The following CNTNAP5 variants were observed in gnomAD, a reference collection of about 807,000 sequenced individuals.
CNTNAP5 encodes the protein contactin associated protein family member 5.
A neutral mutation model predicts 150.2 loss-of-function variants in CNTNAP5; 72 were observed. That is an observed-to-expected ratio of 0.48 (90% confidence interval 0.40 to 0.58). The LOEUF is 0.58. Ranked by LOEUF, CNTNAP5 falls within the 20% of genes least tolerant of loss-of-function variation. CNTNAP5 has a pLI of 0.00. For missense variants in CNTNAP5, 1,636 were observed against 1,626.2 expected (o/e 1.01, Z -0.10); for synonymous variants, 672 against 619.8 (o/e 1.08, Z -1.25).
chr2:124,706,853 G>A (rs1679663977), intron 13 of CNTNAP5, among the ~76,000 whole-genome samples: 2 of 30,500 alleles, frequency 6.6e-5, no homozygotes, highest in African/African-American at 1.4e-4. Flanking sequence ...GAAGGAGGAG[G>A]AGGAGAAGGA....
chr2:124,289,307 T>C (rs1688227580), intron 3 of CNTNAP5, among the ~76,000 whole-genome samples: 2 of 152,198 alleles, frequency 1.3e-5, no homozygotes, highest in Non-Finnish European at 2.9e-5. Flanking sequence ...ATGAAATAGG[T>C]GACTAAGCTA....
chr2:124,858,889 C>T (rs933122449), intron 19 of CNTNAP5, among the ~76,000 whole-genome samples: 4 of 152,068 alleles, frequency 2.6e-5, no homozygotes, highest in African/African-American at 4.8e-5. Flanking sequence ...CTTCCTTACA[C>T]CTTACATAAA....
intron 5 of CNTNAP5, among the ~76,000 whole-genome samples, chr2:124,436,550 C>A (rs1692535893): frequency 1.3e-5 from 2 of 152,236 alleles, no homozygotes; most frequent in East Asian, 3.9e-4. Context: ...AATGAGTAAA[C>A]ATGGACAAAT....
chr2:124,091,015 C>G (rs974552726), intron 1 of CNTNAP5, among the ~76,000 whole-genome samples: 1 of 152,090 alleles, frequency 6.6e-6, no homozygotes, highest in South Asian at 2.1e-4. Context: ...AAGAAATCCA[C>G]CTGGGGGAAG....
intron 1 of CNTNAP5, among the ~76,000 whole-genome samples, chr2:124,177,323 T>A (rs1413328925): frequency 6.6e-6 from 1 of 152,168 alleles, no homozygotes; most frequent in Non-Finnish European, 1.5e-5. Context: ...GAAAATCTTT[T>A]GTTTCTGAGA....
At chr2:124,200,270 G>A (rs571102348) in intron 1 of CNTNAP5, among the ~76,000 whole-genome samples, 7 of 152,108 alleles carry the variant, frequency 4.6e-5, no homozygotes, top group South Asian at 2.1e-4. Flanking sequence ...TTTCTAATCC[G>A]AAGCCATGTT....
intron 1 of CNTNAP5, among the ~76,000 whole-genome samples, chr2:124,093,466 T>A (rs1013997619): frequency 2.6e-5 from 4 of 152,360 alleles, no homozygotes; most frequent in African/African-American, 7.2e-5. Context: ...AACTCAGAAC[T>A]GATTTGCTAT....
rs370275737 is a variant in CNTNAP5 at position 124,366,344 on chromosome 2, T to G, written c.382-51099T>G. On this transcript the variant is annotated intron_variant, in intron 3 of 23. Transcript: ENST00000682447. ...ACTGATATTGATAGTCTTTCTCTTC[T>G]TCCTTCTTGTTTTTAATCTTCATTT... Among the ~76,000 whole-genome samples, 58 of 152,328 alleles carry G rather than the reference T, an allele frequency of 3.8e-4. No homozygotes were observed. The South Asian group carries it at 0.012, about 32-fold the overall frequency.
At chr2:124,893,726 G>C (rs1678248157) in intron 21 of CNTNAP5, among the ~76,000 whole-genome samples, 6 of 152,006 alleles carry the variant, frequency 3.9e-5, no homozygotes, top group Admixed American at 3.9e-4. Context: ...TGTATATAAT[G>C]GTCACCTGTG....
At chr2:124,744,872 C>A (rs972303955) in intron 13 of CNTNAP5, among the ~76,000 whole-genome samples, 3 of 152,168 alleles carry the variant, frequency 2.0e-5, no homozygotes, top group Admixed American at 6.5e-5. Flanking sequence ...GAGACCAAGA[C>A]ACAAAGATGG....
At chr2:124,668,654 ATTT>A in intron 13 of CNTNAP5, among the ~76,000 whole-genome samples, 1 of 152,174 alleles carries the variant, frequency 6.6e-6, no homozygotes, top group South Asian at 2.1e-4. Flanking sequence ...TGAAAACATC[ATTT>A]TTTTCTATTT....
intron 22 of CNTNAP5, among the ~76,000 whole-genome samples, chr2:124,903,396 C>T (rs910786645): frequency 2.0e-5 from 3 of 151,920 alleles, no homozygotes; most frequent in African/African-American, 7.3e-5. Context: ...ATAGTCACTA[C>T]TGTTGAAGTG....
chr2:124,512,197 G>C (rs924336090), intron 8 of CNTNAP5, among the ~76,000 whole-genome samples: 8 of 151,770 alleles, frequency 5.3e-5, no homozygotes, highest in African/African-American at 1.9e-4. Context: ...CAGCAGTGAG[G>C]CAGGCAGAGA....
chr2:124,317,794 C>T (rs981722078), intron 3 of CNTNAP5, among the ~76,000 whole-genome samples: 2 of 152,176 alleles, frequency 1.3e-5, no homozygotes, highest in African/African-American at 4.8e-5. Flanking sequence ...AACAGACACA[C>T]ACCATACACA....
At chr2:124,648,504 A>G (rs538963436) in intron 13 of CNTNAP5, among the ~76,000 whole-genome samples, 1 of 152,260 alleles carries the variant, frequency 6.6e-6, no homozygotes, top group East Asian at 1.9e-4. Flanking sequence ...GCTTTAGGGG[A>G]AATGACTCTT....
At chr2:124,083,068 A>G (rs1330246926) in intron 1 of CNTNAP5, among the ~76,000 whole-genome samples, 1 of 152,054 alleles carries the variant, frequency 6.6e-6, no homozygotes, top group Non-Finnish European at 1.5e-5. Flanking sequence ...ATACTTTCTC[A>G]GGCTGGGCGC....
intron 6 of CNTNAP5, among the ~76,000 whole-genome samples, chr2:124,451,680 T>C (rs534771591): frequency 6.6e-6 from 1 of 152,028 alleles, no homozygotes; most frequent in Non-Finnish European, 1.5e-5. Flanking sequence ...AGATTGCTTC[T>C]GCAGGACCCA....
intron 13 of CNTNAP5, among the ~76,000 whole-genome samples, chr2:124,701,594 T>A (rs1679522414): frequency 6.6e-6 from 1 of 152,218 alleles, no homozygotes; most frequent in East Asian, 1.9e-4. Context: ...TTCTTCATAA[T>A]TCCCCATACT....
chr2:124,830,797 T>C (rs1013816554), intron 19 of CNTNAP5, among the ~76,000 whole-genome samples: 2 of 151,860 alleles, frequency 1.3e-5, no homozygotes, highest in Admixed American at 6.6e-5. Context: ...CAAGAACTGA[T>C]GAAAAAGTTG....
Sources: gnomAD v4.1 joint callset for allele counts (sites outside exome capture counted in the v4.1 genomes callset) on GRCh38, gnomAD v4.1.1 for gene constraint, MANE v1.5 for transcripts, NCBI Gene and HGNC (gene_info 2026-07-23, HGNC 2026-07-21) for gene names.